Variants in FAM193A observed in about 807,000 individuals in gnomAD.
The protein encoded by FAM193A is protein FAM193A.
A neutral mutation model predicts 126.5 loss-of-function variants in FAM193A; 22 were observed. The ratio of observed to expected loss-of-function variants is 0.17; its 90% confidence interval spans 0.12 to 0.25. The LOEUF (loss-of-function observed/expected upper bound fraction) is 0.25. Among genes scored for constraint, FAM193A ranks in the 10% least tolerant of loss-of-function variants. The pLI, the probability that FAM193A is intolerant of heterozygous loss-of-function variation, is 1.00. For missense variants in FAM193A, 1,675 were observed against 1,672.8 expected (o/e 1.00, Z -0.02); for synonymous variants, 761 against 646.8 (o/e 1.18, Z -2.68).
chr4:2,647,007 G>T (rs553644582), intron 7 of FAM193A, among the ~76,000 whole-genome samples, 175 bp downstream of exon 7: 2 of 152,352 alleles, frequency 1.3e-5, no homozygotes, highest in South Asian at 4.1e-4. Context: ...GAAGGGATGG[G>T]AAACCTGTTG....
chr4:2,573,570 A>G (rs548122294), intron 1 of FAM193A, among the ~76,000 whole-genome samples: 1 of 151,004 alleles, frequency 6.6e-6, no homozygotes, highest in South Asian at 2.1e-4. Flanking sequence ...CATGTGTGGG[A>G]CGTGGGTCCT....
At chr4:2,714,780 G>GT (rs1378063108) in intron 19 of FAM193A, among the ~76,000 whole-genome samples, 1 of 152,140 alleles carries the variant, frequency 6.6e-6, no homozygotes, top group Admixed American at 6.5e-5. Context: ...TTTATTAAAG[G>GT]TTCTGAAAAA....
At chr4:2,726,594 C>A (rs1398686194) in intron 20 of FAM193A, among the ~76,000 whole-genome samples, 1 of 151,808 alleles carries the variant, frequency 6.6e-6, no homozygotes, top group Non-Finnish European at 1.5e-5. Flanking sequence ...TTTAAAATTG[C>A]TGCTTCCTAC....
chr4:2,604,284 A>T (rs1385707481), intron 2 of FAM193A, among the ~76,000 whole-genome samples: 2 of 152,114 alleles, frequency 1.3e-5, no homozygotes, highest in Non-Finnish European at 2.9e-5. Context: ...TTTTTAAATT[A>T]TTCTGTTTGT....
At chr4:2,722,972 G>T (rs1478445100) in intron 20 of FAM193A, among the ~76,000 whole-genome samples, 2 of 152,116 alleles carry the variant, frequency 1.3e-5, no homozygotes, top group African/African-American at 4.8e-5. Context: ...TTTCAATTTT[G>T]CTTACAAAAG....
chr4:2,672,985 A>G (rs1050862277), intron 13 of FAM193A, among the ~76,000 whole-genome samples: 3 of 152,168 alleles, frequency 2.0e-5, no homozygotes, highest in Non-Finnish European at 4.4e-5. Flanking sequence ...GGATGTAGAA[A>G]TAAGTTGATT....
chr4:2,705,573 C>A (rs1288476347), intron 19 of FAM193A, among the ~76,000 whole-genome samples: 1 of 151,594 alleles, frequency 6.6e-6, no homozygotes, highest in Non-Finnish European at 1.5e-5. Flanking sequence ...GGTCCCAGCA[C>A]ATTATTATTA....
chr4:2,690,056 C>T (rs537466796), intron 14 of FAM193A, among the ~76,000 whole-genome samples: 4 of 152,346 alleles, frequency 2.6e-5, no homozygotes, highest in South Asian at 2.1e-4. Flanking sequence ...TCAGCCCCCC[C>T]GGTGCACAGG....
intron 1 of FAM193A, among the ~76,000 whole-genome samples, chr4:2,549,342 C>T (rs766914905): frequency 4.0e-5 from 6 of 151,162 alleles, no homozygotes; most frequent in African/African-American, 1.5e-4. Context: ...TCTAAGATCT[C>T]CATTTTAGCT....
intron 13 of FAM193A, among the ~76,000 whole-genome samples, chr4:2,682,506 A>T (rs1289208258): frequency 6.6e-6 from 1 of 152,104 alleles, no homozygotes; most frequent in Non-Finnish European, 1.5e-5. Flanking sequence ...TCATTGGTGT[A>T]TTTGACTATT....
Position 2,617,240 on chromosome 4 carries a change from T to TTTTATATATATATATATA in FAM193A, c.502-8021_502-8020insTTATATATATATATATAT, listed in dbSNP as rs377206444. 1.0e-3 allele frequency among the ~76,000 whole-genome samples: 36 copies of TTTTATATATATATATATA among 35,198 alleles called. 5 individuals are homozygous for TTTTATATATATATATATA. Among genetic ancestry groups the TTTTATATATATATATATA allele is most frequent in the African/African-American group, 5.2e-3 (19 of 3,686 alleles). The allele number at this position is 35,198 out of a possible 152,430, so 23.1% of individuals were successfully genotyped here. A position where few individuals can be genotyped will look rare whatever the true frequency, so the allele number is the denominator to read the frequency against. On this transcript the variant is annotated intron_variant, in intron 2 of 20. Coordinates refer to ENST00000637812, the MANE Select transcript of FAM193A (RefSeq NM_001366318.2). ...TGTATTGGTCAGAAGTATGTTTTTA[T>TTTTATATATATATATATA]TATATATATATATATATATATATTT...
At chr4:2,723,042 G>T (rs1042138466) in intron 20 of FAM193A, among the ~76,000 whole-genome samples, 3 of 152,204 alleles carry the variant, frequency 2.0e-5, no homozygotes, top group Non-Finnish European at 4.4e-5. Flanking sequence ...GGGAGGCCAA[G>T]GCAGGAGGAT....
intron 12 of FAM193A, among the ~76,000 whole-genome samples, chr4:2,671,241 G>A (rs554935917): frequency 7.2e-5 from 11 of 152,326 alleles, no homozygotes; most frequent in Admixed American, 2.0e-4. Flanking sequence ...AAGCCCTTCC[G>A]TGGCGCTCTC....
In FAM193A at chr4:2,640,964, C is replaced by CG. The variant is rs554701775; in HGVS notation, c.1163+1110dup. The stretch of plus-strand genomic sequence containing the variant: ...TGGGTGATAGAGCGAGATGCTGTCT[C>CG]GGGGGAAAAAAAGTCGTTAGCTTCA... On this transcript the variant is annotated intron_variant, in intron 6 of 20. Coordinates refer to ENST00000637812, the MANE Select transcript of FAM193A (RefSeq NM_001366318.2). Among the ~76,000 whole-genome samples, 522 of 151,270 alleles carry CG rather than the reference C, an allele frequency of 3.5e-3. 3 individuals are homozygous for CG. The highest frequency in any genetic ancestry group is 5.9e-3 in the Non-Finnish European group (398 of 67,786).
At chr4:2,543,024 G>T (rs1030479212) in intron 1 of FAM193A, among the ~76,000 whole-genome samples, 1 of 152,012 alleles carries the variant, frequency 6.6e-6, no homozygotes, top group Non-Finnish European at 1.5e-5. Flanking sequence ...CAAAGCTTGG[G>T]GAACCACAAA....
intron 1 of FAM193A, among the ~76,000 whole-genome samples, chr4:2,577,078 G>T (rs1263754110): frequency 6.6e-6 from 1 of 152,172 alleles, no homozygotes; most frequent in Non-Finnish European, 1.5e-5. Context: ...TTGATATGAG[G>T]ACTAAAACAC....
intron 12 of FAM193A, among the ~76,000 whole-genome samples, chr4:2,670,665 G>A (rs1004145268): frequency 6.6e-6 from 1 of 152,216 alleles, no homozygotes; most frequent in South Asian, 2.1e-4. Flanking sequence ...TTGCCATGTT[G>A]CCCAGACTAG....
chr4:2,658,849 C>T (rs955857358), intron 8 of FAM193A, among the ~76,000 whole-genome samples: 1 of 152,192 alleles, frequency 6.6e-6, no homozygotes, highest in Non-Finnish European at 1.5e-5. Context: ...CTCCCGGGTT[C>T]AAGCGGTACT....
chr4:2,656,997 T>C (rs1711771488), intron 7 of FAM193A, among the ~76,000 whole-genome samples: 1 of 152,110 alleles, frequency 6.6e-6, no homozygotes, highest in African/African-American at 2.4e-5. Flanking sequence ...TGAAACACCG[T>C]CTCTAGTAAA....
Sources: allele counts gnomAD v4.1 joint callset (sites outside exome capture counted in the v4.1 genomes callset), GRCh38; gene constraint gnomAD v4.1.1; transcripts MANE v1.5; gene names NCBI Gene and HGNC (gene_info 2026-07-23, HGNC 2026-07-21).